The following FGD6 variants were observed in gnomAD, a reference collection of about 807,000 sequenced individuals.
FGD6 encodes FYVE, RhoGEF and PH domain containing 6.
FGD6 carries 90 observed loss-of-function variants against 149.4 expected under a neutral mutation model. That is an observed-to-expected ratio of 0.60 (90% CI 0.51 to 0.72). FGD6 has a LOEUF of 0.72. Among genes scored for constraint, FGD6 ranks in the 30% least tolerant of loss-of-function variants. The probability of loss-of-function intolerance (pLI) is 0.00; values close to 1 mark genes in which losing one functional copy is unlikely to be tolerated. For missense variants in FGD6, 1,437 were observed against 1,684.8 expected, an observed-to-expected ratio of 0.85 and a Z score of 2.57; for synonymous variants, 527 against 584.0, an observed-to-expected ratio of 0.90 and a Z score of 1.41.
In FGD6 at chr12:95,089,178, C is replaced by T. The variant is rs140085742; in HGVS notation, c.3978+391G>A. On this transcript the variant is annotated intron_variant, in intron 18 of 20. Transcript: ENST00000343958. ...GACAACCTACTATCAGTGATATCAG[C>T]TGTGCATAACCAACCAATGCCTACA... Among the ~76,000 whole-genome samples the T allele has an allele frequency of 8.1e-4, 123 of 152,350 alleles. 1 individual carries two copies. The highest frequency in any genetic ancestry group is 2.6e-3 in the African/African-American group (109 of 41,576).
chr12:95,194,202 G>T (rs894217253), intron 2 of FGD6, among the ~76,000 whole-genome samples: 3 of 151,518 alleles, frequency 2.0e-5, no homozygotes, highest in Non-Finnish European at 4.4e-5. Flanking sequence ...TGGGGTTATA[G>T]GCATGAGCCA....
rs767047491 is a variant in FGD6, at chr12:95,209,504, G to A, written c.1780C>T (p.Pro594Ser). The change falls in exon 2 of 21, where the codon CCT (proline) becomes TCT (serine). Residue 594 changes from proline (P) to serine (S), a missense_variant. Physicochemically the swap from Pro to Ser is moderately conservative, Grantham distance 74. Coordinates refer to ENST00000343958, the MANE Select transcript of FGD6 (RefSeq NM_018351.4). The part of the protein sequence containing the change: ...KSVTVSSNSE[P>S]STALTKPRAK... ...CTGGGCTTGGTTAGGGCTGTTGAAGGCTCACTGTTTGACGATACGGTGACA... is the reference window on the plus strand; with the variant it reads ...CTGGGCTTGGTTAGGGCTGTTGAAGACTCACTGTTTGACGATACGGTGACA... The A allele has an allele frequency of 3.9e-5, 63 of 1,613,478 alleles. No individual in the cohort carries two copies. In the South Asian group the frequency reaches 5.5e-4, roughly 14 times the overall value.
intron 20 of FGD6, among the ~76,000 whole-genome samples, chr12:95,082,750 C>T (rs1877720081): frequency 6.6e-6 from 1 of 150,444 alleles, no homozygotes; most frequent in Admixed American, 6.6e-5. Flanking sequence ...TACACAGCTG[C>T]AATTATTCAG....
intron 2 of FGD6, among the ~76,000 whole-genome samples, chr12:95,187,599 G>C (rs1810336989): frequency 6.7e-6 from 1 of 150,242 alleles, no homozygotes; most frequent in South Asian, 2.1e-4. Flanking sequence ...GTTCCAGTGA[G>C]CCAAGATTGC....
At chr12:95,089,291 C>T (rs1877973689) in intron 18 of FGD6, among the ~76,000 whole-genome samples, 1 of 152,216 alleles carries the variant, frequency 6.6e-6, no homozygotes, top group African/African-American at 2.4e-5. Context: ...TGCTCAAAGT[C>T]ATTTTAAAAA....
At chr12:95,101,681 C>CTTTTTTTTT in intron 14 of FGD6, among the ~76,000 whole-genome samples, 1 of 107,808 alleles carries the variant, frequency 9.3e-6, no homozygotes, top group Non-Finnish European at 1.8e-5. Context: ...TTTGAACTTT[C>CTTTTTTTTT]TTTTTTTTTT....
At chr12:95,129,405 T>C (rs1879451759) in intron 8 of FGD6, among the ~76,000 whole-genome samples, 2 of 152,114 alleles carry the variant, frequency 1.3e-5, no homozygotes, top group East Asian at 3.9e-4. Context: ...CTCAATCTTA[T>C]AAAAAAGAGC....
intron 2 of FGD6, among the ~76,000 whole-genome samples, chr12:95,191,083 G>A (rs1881575635): frequency 6.6e-6 from 1 of 151,986 alleles, no homozygotes; most frequent in South Asian, 2.1e-4. Flanking sequence ...ATTTTTTTAA[G>A]TGATACATCT....
intron 2 of FGD6, among the ~76,000 whole-genome samples, chr12:95,206,110 C>T (rs1205447844): frequency 6.6e-6 from 1 of 152,018 alleles, no homozygotes; most frequent in Non-Finnish European, 1.5e-5. Flanking sequence ...CCAGGATTGG[C>T]AGAGATAATG....
intron 2 of FGD6, among the ~76,000 whole-genome samples, chr12:95,201,331 C>G (rs1345694791): frequency 1.3e-5 from 2 of 152,176 alleles, no homozygotes; most frequent in African/African-American, 4.8e-5. Flanking sequence ...TAACCTTTCC[C>G]TTCTTGAAGG....
intron 3 of FGD6, among the ~76,000 whole-genome samples, chr12:95,167,062 G>A (rs138335075): frequency 6.6e-6 from 1 of 152,004 alleles, no homozygotes; most frequent in East Asian, 1.9e-4. Context: ...TCACCATGTT[G>A]GTCAAGCTGC....
rs551929354 is a variant in FGD6, at chr12:95,080,470, T to G, written c.*1050A>C. 14 of 151,964 alleles carry G rather than the reference T, an allele frequency of 9.2e-5. No individual in the cohort carries two copies. The highest frequency in any genetic ancestry group is 3.9e-4 in the East Asian group (2 of 5,184). 9.4% of individuals were successfully genotyped at this position (151,964 alleles called of 1,614,324 possible). ...GCTTATAGAGAAAGGATTTGTTGTT[T>G]TTTTTTTTAATTAGGAGGGAGGATA... On this transcript the variant is annotated 3_prime_UTR_variant, in exon 21 of 21. Coordinates refer to ENST00000343958, the MANE Select transcript of FGD6 (RefSeq NM_018351.4).
At chr12:95,123,988 C>T (rs928811023) in intron 8 of FGD6, among the ~76,000 whole-genome samples, 4 of 151,722 alleles carry the variant, frequency 2.6e-5, no homozygotes, top group African/African-American at 9.7e-5. Context: ...ACTGCAGCCT[C>T]CACCAACCTC....
intron 14 of FGD6, among the ~76,000 whole-genome samples, chr12:95,104,241 C>T (rs2136239551): frequency 6.6e-6 from 1 of 152,194 alleles, no homozygotes; most frequent in South Asian, 2.1e-4. Context: ...CAGTAGCTAA[C>T]CTAAGTGCAA....
rs1249763756 is a variant in FGD6 at position 95,134,838 on chromosome 12, A to C, written c.2995-12T>G. ...CAGCGAGGGCTCATCTGAAAGGAGA[A>C]GGCATCTAAATTAACACAGTGTTTT... On this transcript the variant is annotated splice_polypyrimidine_tract_variant and intron_variant, in intron 7 of 20. Coordinates refer to ENST00000343958, the MANE Select transcript of FGD6 (RefSeq NM_018351.4). 1 of 1,606,608 alleles carries C rather than the reference A, an allele frequency of 6.2e-7. No individual in the cohort carries two copies. Among genetic ancestry groups the C allele is most frequent in the Non-Finnish European group, 8.5e-7 (1 of 1,176,374 alleles).
intron 9 of FGD6, among the ~76,000 whole-genome samples, chr12:95,110,482 C>T (rs1023029439): frequency 2.0e-5 from 3 of 151,768 alleles, no homozygotes; most frequent in African/African-American, 4.8e-5. Context: ...CAGTCTCCTG[C>T]ATAGCTGACA....
intron 1 of FGD6, among the ~76,000 whole-genome samples, chr12:95,216,598 C>A (rs1483856391): frequency 4.2e-5 from 5 of 119,602 alleles, no homozygotes; most frequent in African/African-American, 1.3e-4. Context: ...GGGAGGCAGA[C>A]AGAAAATAAA....
Position 95,129,846 on chromosome 12 carries a change from T to G in FGD6, c.3082+4893A>C, listed in dbSNP as rs547229164. Reference sequence around the variant, plus strand: ...TGCTACCACGCCCAGCTAATTTTTGTTTTTTTTTGTAGAGACAGGGTTTCA... The same window carrying G: ...TGCTACCACGCCCAGCTAATTTTTGGTTTTTTTTGTAGAGACAGGGTTTCA... On this transcript the variant is annotated intron_variant, in intron 8 of 20. Transcript: ENST00000343958. Among the ~76,000 whole-genome samples the G allele has an allele frequency of 3.3e-5, 5 of 150,778 alleles. No homozygotes were observed. The East Asian group carries it at 5.8e-4, about 18-fold the overall frequency.
intron 2 of FGD6, among the ~76,000 whole-genome samples, chr12:95,208,048 C>A (rs938320033): frequency 6.6e-6 from 1 of 152,014 alleles, no homozygotes; most frequent in Non-Finnish European, 1.5e-5. Flanking sequence ...CCCAGGAGTT[C>A]AAGACCAGCC....
Sources: gnomAD v4.1 joint callset for allele counts (sites outside exome capture counted in the v4.1 genomes callset) on GRCh38, gnomAD v4.1.1 for gene constraint, MANE v1.5 for transcripts, NCBI Gene and HGNC (gene_info 2026-07-23, HGNC 2026-07-21) for gene names.